The following FSTL1 variants were observed in gnomAD, a reference collection of about 807,000 sequenced individuals.
FSTL1 encodes the protein follistatin like 1, also known as follistatin-related protein 1.
Under a neutral mutation model 45.9 loss-of-function variants are expected in FSTL1, and 24 were observed. The observed-to-expected ratio is 0.52, with a 90% CI of 0.38 to 0.74. The LOEUF (loss-of-function observed/expected upper bound fraction) is 0.74. FSTL1 is among the 30% of genes least tolerant of loss of function. The pLI, the probability that FSTL1 is intolerant of heterozygous loss-of-function variation, is 0.00. For synonymous variants in FSTL1, 120 were observed against 137.6 expected, an observed-to-expected ratio of 0.87 and a Z score of 0.89; for missense variants, 340 against 381.8, an observed-to-expected ratio of 0.89 and a Z score of 0.91.
At chr3:120,434,201 A>C (rs542375902) in intron 2 of FSTL1, among the ~76,000 whole-genome samples, 24 of 152,334 alleles carry the variant, frequency 1.6e-4, no homozygotes, top group African/African-American at 5.8e-4. Context: ...ATACATTCTG[A>C]CAGTACAGAA....
chr3:120,396,921 TG>T lies in FSTL1; in HGVS notation c.*30del. ...CTCAGCGCTGAAGTGGAGAAGATGC[TG>T]GGATCCAGACACTGGTCTGTGCCTC... On this transcript the variant is annotated 3_prime_UTR_variant, in exon 11 of 11. Transcript: ENST00000295633. 1 of 1,551,110 alleles carries T rather than the reference TG, an allele frequency of 6.4e-7. No individual in the cohort carries two copies. The highest frequency in any genetic ancestry group is 8.9e-7 in the Non-Finnish European group (1 of 1,122,390).
At chr3:120,417,195 T>C (rs1559738740) in intron 2 of FSTL1, among the ~76,000 whole-genome samples, 1 of 152,224 alleles carries the variant, frequency 6.6e-6, no homozygotes, top group East Asian at 1.9e-4. Context: ...CTCCAGGCCA[T>C]GTCTACCACA....
At chr3:120,448,080 C>T (rs931529656) in intron 2 of FSTL1, among the ~76,000 whole-genome samples, 1 of 152,206 alleles carries the variant, frequency 6.6e-6, no homozygotes, top group Non-Finnish European at 1.5e-5. Flanking sequence ...ACTACAGAGG[C>T]TCTGGCTTCT....
chr3:120,403,978 AAAAAC>A (rs1161307926), intron 7 of FSTL1, among the ~76,000 whole-genome samples: 12 of 82,072 alleles, frequency 1.5e-4, no homozygotes, highest in African/African-American at 3.3e-4. Flanking sequence ...AAAAACAAAA[AAAAAC>A]AAAAAACAAA....
At chr3:120,403,166 C>T (rs2107650325) in intron 8 of FSTL1, 76 bp downstream of exon 8, 1 of 871,384 alleles carries the variant, frequency 1.1e-6, no homozygotes, top group South Asian at 1.4e-5. Flanking sequence ...TGGAGAGTTC[C>T]ACCAATCCTC....
Position 120,395,913 on chromosome 3 carries a change from T to C in FSTL1, c.*1039A>G, listed in dbSNP as rs1034488913. 1.2e-5 allele frequency: 4 copies of C among 323,954 alleles called. No homozygotes were observed. The highest frequency in any genetic ancestry group is 2.2e-5 in the African/African-American group (1 of 45,180). The allele number at this position is 323,954 out of a possible 1,614,324, so 20.1% of individuals were successfully genotyped here. A position where few individuals can be genotyped will look rare whatever the true frequency, so the allele number is the denominator to read the frequency against. Reference sequence around the variant, plus strand: ...TGCTTGGCTGCCCTTGTCGCCATCCTTGGGAATACTGATTTGCCTCAACTT... The same window carrying C: ...TGCTTGGCTGCCCTTGTCGCCATCCCTGGGAATACTGATTTGCCTCAACTT... On this transcript the variant is annotated 3_prime_UTR_variant, in exon 11 of 11. Coordinates refer to ENST00000295633, the MANE Select transcript of FSTL1 (RefSeq NM_007085.5).
Position 120,394,163 on chromosome 3 carries a change from A to C in FSTL1, c.*2789T>G, listed in dbSNP as rs1228221112. ...CATCCAAGCTGTAGTCCCAGGAGAA[A>C]CTCTTCAGTCCTTTTTAAGGCTCCT... On this transcript the variant is annotated 3_prime_UTR_variant, in exon 11 of 11. Transcript: ENST00000295633. The C allele has an allele frequency of 2.0e-5, 3 of 152,070 alleles. No homozygotes were observed. The highest frequency in any genetic ancestry group is 7.3e-5 in the African/African-American group (3 of 41,376). The allele number at this position is 152,070 out of a possible 1,614,324, so 9.4% of individuals were successfully genotyped here.
chr3:120,399,872 C>A lies in FSTL1; in HGVS notation c.882+11G>T. On this transcript the variant is annotated intron_variant, in intron 10 of 10. Transcript: ENST00000295633. ...AGCAACACCTGAACCAGCACGGAGG[C>A]TGCCACTCACCTGATGCTTTTGGAG... 1 of 1,580,344 alleles carries A rather than the reference C, an allele frequency of 6.3e-7. No individual in the cohort carries two copies. Among genetic ancestry groups the A allele is most frequent in the East Asian group, 2.2e-5 (1 of 44,482 alleles).
chr3:120,397,056 C>A, intron 10 of FSTL1, 60 bp from the exon 11 acceptor site: 1 of 1,327,752 alleles, frequency 7.5e-7, no homozygotes, highest in Non-Finnish European at 1.1e-6. Context: ...TGGAATTTAT[C>A]TGTTCCTCAA....
chr3:120,418,403 G>A (rs1937223062), intron 2 of FSTL1, among the ~76,000 whole-genome samples: 1 of 151,942 alleles, frequency 6.6e-6, no homozygotes, highest in Non-Finnish European at 1.5e-5. Flanking sequence ...ATAAATATCC[G>A]GCATCCTACT....
rs1937875541 is a variant in FSTL1 at position 120,450,708 on chromosome 3, C to T, written c.39G>A (p.Val13=). Reference sequence around the variant, plus strand: ...CCTCGGCGCGGACCCAGGCGACCGCCACCAGCGCGAGCGCGAGCGCGAGCC... The same window carrying T: ...CCTCGGCGCGGACCCAGGCGACCGCTACCAGCGCGAGCGCGAGCGCGAGCC... ...KRWLALALAL[V]AVAWVRAEEE... is the part of the protein sequence containing the mutation. The change falls in exon 2 of 11, where the codon GTG becomes GTA. Residue 13 remains valine, a synonymous_variant. Transcript: ENST00000295633. The T allele has an allele frequency of 2.5e-6, 4 of 1,570,798 alleles. No individual in the cohort carries two copies. The African/African-American group carries it at 5.6e-5, about 22-fold the overall frequency.
chr3:120,399,823 A>T, intron 10 of FSTL1, 60 bp downstream of exon 10: 1 of 1,141,026 alleles, frequency 8.8e-7, no homozygotes, highest in Non-Finnish European at 1.3e-6. Context: ...GCAGTGTTTG[A>T]ATGGTATAGG....
At chr3:120,422,785 C>G (rs1400960818) in intron 2 of FSTL1, among the ~76,000 whole-genome samples, 1 of 152,046 alleles carries the variant, frequency 6.6e-6, no homozygotes, top group African/African-American at 2.4e-5. Flanking sequence ...ACTTCCACCT[C>G]CCGGGTTCAA....
intron 2 of FSTL1, among the ~76,000 whole-genome samples, chr3:120,426,434 T>C (rs760509213): frequency 2.6e-5 from 4 of 152,104 alleles, no homozygotes; most frequent in Admixed American, 2.0e-4. Flanking sequence ...TCCCCTGATA[T>C]GGTGGAAGGC....
chr3:120,416,070 A>T (rs1393390817), intron 2 of FSTL1, 43 bp from the exon 3 acceptor site: 1 of 1,340,330 alleles, frequency 7.5e-7, no homozygotes, highest in Non-Finnish European at 1.1e-6. Flanking sequence ...ACTGAGATGA[A>T]CCCATTATGG....
rs558955967 is a variant in FSTL1, at chr3:120,414,753, G to A, written c.168+1170C>T. ...ACTCAGGGTTAAATGGATTAAGGGCGGTGCAAGATGTGCTTTGTTAAACAG... is the reference window on the plus strand; with the variant it reads ...ACTCAGGGTTAAATGGATTAAGGGCAGTGCAAGATGTGCTTTGTTAAACAG... On this transcript the variant is annotated intron_variant, in intron 3 of 10. Transcript: ENST00000295633. Among the ~76,000 whole-genome samples, 17 of 151,756 alleles carry A rather than the reference G, an allele frequency of 1.1e-4. No individual in the cohort carries two copies. The South Asian group carries it at 2.1e-3, about 19-fold the overall frequency.
rs897724314 is a variant in FSTL1 at position 120,450,992 on chromosome 3, G to A, written c.-96C>T. 4 of 458,138 alleles carry A rather than the reference G, an allele frequency of 8.7e-6. No homozygotes were observed. Among genetic ancestry groups the A allele is most frequent in the East Asian group, 3.6e-5 (1 of 28,152 alleles). 28.4% of individuals were successfully genotyped at this position (458,138 alleles called of 1,614,324 possible). On this transcript the variant is annotated 5_prime_UTR_variant, in exon 1 of 11. Transcript: ENST00000295633. ...GCTCCGCCGATCGCCAGCCTCGGAG[G>A]AAATGCGACCTCCCCTCGCCGCCCC...
intron 2 of FSTL1, among the ~76,000 whole-genome samples, chr3:120,424,753 T>G (rs925401726): frequency 3.3e-5 from 5 of 152,120 alleles, no homozygotes; most frequent in Admixed American, 3.3e-4. Flanking sequence ...TCTGGGGGGC[T>G]GCCAGATCTT....
intron 3 of FSTL1, among the ~76,000 whole-genome samples, chr3:120,413,964 G>GA (rs533514428): frequency 1.3e-3 from 195 of 152,118 alleles, no homozygotes; most frequent in Middle Eastern, 6.8e-3. Context: ...ACTGGTTTTG[G>GA]TGGAGACGGG....
Sources: gnomAD v4.1 joint callset for allele counts (sites outside exome capture counted in the v4.1 genomes callset) on GRCh38, gnomAD v4.1.1 for gene constraint, MANE v1.5 for transcripts, NCBI Gene and HGNC (gene_info 2026-07-23, HGNC 2026-07-21) for gene names.